REC8: variants seen among roughly 807,000 people sequenced by gnomAD.
REC8 encodes the protein REC8 meiotic recombination protein.
A neutral mutation model predicts 78.3 loss-of-function variants in REC8; 42 were observed. The ratio of observed to expected loss-of-function variants is 0.54; its 90% CI spans 0.42 to 0.69. The LOEUF is 0.69. Among genes scored for constraint, REC8 ranks in the 30% least tolerant of loss-of-function variants. REC8 has a pLI of 0.00. For synonymous variants in REC8, 268 were observed against 274.1 expected (o/e 0.98, Z 0.22); for missense variants, 581 against 715.8 (o/e 0.81, Z 2.15).
chr14:24,176,763 G>C, intron 6 of REC8, 59 bp from the exon 7 acceptor site: 3 of 1,359,358 alleles, frequency 2.2e-6, no homozygotes, highest in Non-Finnish European at 3.1e-6. Flanking sequence ...TTCCTTAACT[G>C]CATGGCTGTG....
At position 24,179,399 on chromosome 14, in the gene REC8, A is replaced by G; in HGVS notation, c.1255A>G (p.Ile419Val). Residue 419 changes from isoleucine (I) to valine (V), a missense_variant and splice_region_variant, in exon 16 of 19, where the codon ATC becomes GTC. By Grantham distance (29) the Ile-to-Val change is conservative (BLOSUM62 3). Transcript: ENST00000611366. Reference sequence around the variant, plus strand: ...TAGCGCCTTTCCTCCCCCAACAGAGATCTCCCTAGAGGCAGCTGAAGAGGA... The same window carrying G: ...TAGCGCCTTTCCTCCCCCAACAGAGGTCTCCCTAGAGGCAGCTGAAGAGGA... Reference protein sequence around the residue: ...PSVPLMVSLEISLEAAEEEKS... With the variant: ...PSVPLMVSLEVSLEAAEEEKS... 1 of 1,613,872 alleles carries G rather than the reference A, an allele frequency of 6.2e-7. No homozygotes were observed.
rs2038710342 is a variant in REC8 at position 24,172,509 on chromosome 14, G to T, written c.-44G>T. Reference sequence around the variant, plus strand: ...CCCTAAAGAATTCCGACTCAGATCCGAACGGGGATCTGGTGGAATCGAGGG... The same window carrying T: ...CCCTAAAGAATTCCGACTCAGATCCTAACGGGGATCTGGTGGAATCGAGGG... On this transcript the variant is annotated 5_prime_UTR_variant, in exon 1 of 19. Transcript: ENST00000611366. The T allele has an allele frequency of 1.3e-6, 2 of 1,580,896 alleles. No homozygotes were observed. The highest frequency in any genetic ancestry group is 1.1e-5 in the South Asian group (1 of 88,762).
rs2038974681 is a variant in REC8, at chr14:24,177,950, G to C, written c.865-141G>C. The stretch of plus-strand genomic sequence containing the variant: ...GGTACCCTTATGCAAGGTATGAGCT[G>C]CTCAAGTGCATGGAGACCCCGCACA... On this transcript the variant is annotated intron_variant, in intron 11 of 18. Coordinates refer to ENST00000611366, the MANE Select transcript of REC8 (RefSeq NM_001048205.2). 4 of 1,510,452 alleles carry C rather than the reference G, an allele frequency of 2.6e-6. No individual in the cohort carries two copies. The East Asian group carries it at 9.1e-5, about 34-fold the overall frequency. 93.6% of individuals were successfully genotyped at this position (1,510,452 alleles called of 1,614,324 possible).
chr14:24,175,370 GA>G (rs2038844430), intron 5 of REC8, 172 bp from the exon 6 acceptor site: 16 of 586,254 alleles, frequency 2.7e-5, no homozygotes, highest in Non-Finnish European at 4.6e-5. Context: ...GTGAGAACAG[GA>G]ACTGAGGAAA....
chr14:24,179,394 C>A lies in REC8; in HGVS notation c.1253-3C>A, dbSNP rs1458898814. On this transcript the variant is annotated splice_region_variant and splice_polypyrimidine_tract_variant and intron_variant, in intron 15 of 18. Transcript: ENST00000611366. ...CCCACTAGCGCCTTTCCTCCCCCAA[C>A]AGAGATCTCCCTAGAGGCAGCTGAA... 6.2e-7 allele frequency: 1 copy of A among 1,613,900 alleles called. No homozygotes were observed. Among genetic ancestry groups the A allele is most frequent in the African/African-American group, 1.3e-5 (1 of 74,936 alleles).
At chr14:24,175,368 A>G (rs1731924222) in intron 5 of REC8, 175 bp from the exon 6 acceptor site, 1 of 579,658 alleles carries the variant, frequency 1.7e-6, no homozygotes, top group Non-Finnish European at 3.1e-6. Flanking sequence ...AGGTGAGAAC[A>G]GGAACTGAGG....
At chr14:24,179,376 G>A in intron 15 of REC8, 21 bp from the exon 16 acceptor site, 1 of 1,613,606 alleles carries the variant, frequency 6.2e-7, no homozygotes, top group Non-Finnish European at 8.5e-7. Flanking sequence ...ACACCCACTA[G>A]CGCCTTTCCT....
At chr14:24,177,076 G>A in intron 7 of REC8, 65 bp from the exon 8 acceptor site, 1 of 1,524,860 alleles carries the variant, frequency 6.6e-7, no homozygotes, top group Non-Finnish European at 9.1e-7. Flanking sequence ...CCACTCTCCT[G>A]GATCCACTTG....
intron 5 of REC8, among the ~76,000 whole-genome samples, chr14:24,173,719 T>C (rs1300938651): frequency 6.6e-6 from 1 of 152,174 alleles, no homozygotes; most frequent in African/African-American, 2.4e-5. Context: ...CTTACCCCTG[T>C]CCTCCTCCAT....
At position 24,178,624 on chromosome 14, in the gene REC8, G is replaced by A. The variant is rs200926587; in HGVS notation, c.1015G>A (p.Glu339Lys). The A allele has an allele frequency of 2.1e-5, 34 of 1,613,980 alleles. No individual in the cohort carries two copies. Among genetic ancestry groups the A allele is most frequent in the East Asian group, 1.3e-4 (6 of 44,866 alleles). The change falls in exon 13 of 19, where the codon GAG (glutamate) becomes AAG (lysine). Residue 339 changes from glutamate to lysine, a missense_variant. By Grantham distance (56) the Glu-to-Lys change is moderately conservative. Transcript: ENST00000611366. ...CWECPMVQPP[E>K]RTIRGPAELF... The stretch of plus-strand genomic sequence containing the variant: ...TACACAGCCTATGGTGCAGCCGCCC[G>A]AGAGGACCATCAGAGGCCCTGCGGA...
At chr14:24,179,349 A>T (rs2039059508) in intron 15 of REC8, 48 bp from the exon 16 acceptor site, 2 of 1,602,178 alleles carry the variant, frequency 1.2e-6, no homozygotes, top group Non-Finnish European at 1.7e-6. Flanking sequence ...ACAAGGCCCT[A>T]ACTGCCACCC....
chr14:24,178,281 A>G, intron 12 of REC8, 59 bp downstream of exon 12: 2 of 1,484,580 alleles, frequency 1.3e-6, no homozygotes, highest in South Asian at 2.3e-5. Flanking sequence ...CCAGGGGCAC[A>G]TGCAGGCTGA....
chr14:24,175,807 A>G (rs2038871395), intron 6 of REC8, among the ~76,000 whole-genome samples, 183 bp downstream of exon 6: 1 of 151,590 alleles, frequency 6.6e-6, no homozygotes, highest in South Asian at 2.1e-4. Context: ...ACTGCAAGCA[A>G]TTGTCCCGCC....
intron 6 of REC8, among the ~76,000 whole-genome samples, chr14:24,176,355 CTT>C (rs777888260): frequency 3.9e-5 from 5 of 127,348 alleles, no homozygotes; most frequent in African/African-American, 9.1e-5. Flanking sequence ...CCATACTCGG[CTT>C]TTTTTTTTTT....
chr14:24,178,082 A>G lies in REC8; in HGVS notation c.865-9A>G, dbSNP rs773250743. 6.2e-7 allele frequency: 1 copy of G among 1,610,644 alleles called. No homozygotes were observed. Among genetic ancestry groups the G allele is most frequent in the Non-Finnish European group, 8.5e-7 (1 of 1,178,098 alleles). On this transcript the variant is annotated splice_polypyrimidine_tract_variant and intron_variant, in intron 11 of 18. Transcript: ENST00000611366. ...AGCCTTGCCCCTACCTGCCCTCCCC[A>G]CTCAACAGAGGAGGCCCCCAGTCCC... is the stretch of plus-strand genomic sequence containing the variant.
At chr14:24,180,811 G>C (rs2039123796), downstream of REC8, 4 of 1,562,890 alleles carry the variant, frequency 2.6e-6, no homozygotes, top group East Asian at 4.5e-5. Context: ...CCCAGGTCTA[G>C]GAGGGTGGTC....
At chr14:24,180,728 T>G (rs2039121485), downstream of REC8, 1 of 1,613,920 alleles carries the variant, frequency 6.2e-7, no homozygotes, top group East Asian at 2.2e-5. Flanking sequence ...AGGCTGCAGA[T>G]ACGCAGAAGC....
chr14:24,178,906 G>A lies in REC8; in HGVS notation c.1193G>A (p.Ser398Asn). Residue 398 changes from serine to asparagine, a missense_variant, in exon 14 of 19, where the codon AGT (serine) becomes AAT (asparagine). Coordinates refer to ENST00000611366, the MANE Select transcript of REC8 (RefSeq NM_001048205.2). ...GAAAGGAGAAAGATTGAAGTTCCAA[G>A]TGAGATTGAGGTAACTGCACCACCT... Reference protein sequence around the residue: ...EEERRKIEVPSEIEVPREALE... With the variant: ...EEERRKIEVPNEIEVPREALE... The A allele has an allele frequency of 6.2e-7, 1 of 1,613,286 alleles. No homozygotes were observed. The highest frequency in any genetic ancestry group is 8.5e-7 in the Non-Finnish European group (1 of 1,179,970).
chr14:24,172,867 C>T, intron 2 of REC8, 32 bp from the exon 3 acceptor site: 2 of 1,613,554 alleles, frequency 1.2e-6, no homozygotes, highest in South Asian at 1.1e-5. Context: ...CACTCCTGGA[C>T]GCAGCGGTAA....
Sources: gnomAD v4.1 joint callset for allele counts (sites outside exome capture counted in the v4.1 genomes callset) on GRCh38, gnomAD v4.1.1 for gene constraint, MANE v1.5 for transcripts, NCBI Gene and HGNC (gene_info 2026-07-23, HGNC 2026-07-21) for gene names.